Variants in KCNIP3 observed in about 807,000 individuals in gnomAD.
The protein encoded by KCNIP3 is potassium voltage-gated channel interacting protein 3, also known as calsenilin.
Under a neutral mutation model 35.0 loss-of-function variants are expected in KCNIP3, and 28 were observed. That is an observed-to-expected ratio of 0.80 (90% CI 0.59 to 1.10). KCNIP3 has a LOEUF of 1.10. Ranked by LOEUF, KCNIP3 falls within the 50% of genes least tolerant of loss-of-function variation. The pLI is 0.00. For missense variants in KCNIP3, 295 were observed against 338.4 expected, an observed-to-expected ratio of 0.87 and a Z score of 1.01; for synonymous variants, 134 against 133.8, an observed-to-expected ratio of 1.00 and a Z score of -0.01.
At chr2:95,345,174 T>C (rs1275702434) in intron 2 of KCNIP3, among the ~76,000 whole-genome samples, 1 of 152,268 alleles carries the variant, frequency 6.6e-6, no homozygotes, top group African/African-American at 2.4e-5. Flanking sequence ...GAAGCTGCAC[T>C]GCGCAGCCCC....
chr2:95,378,053 TA>T lies in KCNIP3; in HGVS notation c.447+2848del, dbSNP rs1290101032. Among the ~76,000 whole-genome samples, 1 of 152,254 alleles carries T rather than the reference TA, an allele frequency of 6.6e-6. No homozygotes were observed. The highest frequency in any genetic ancestry group is 1.5e-5 in the Non-Finnish European group (1 of 68,034). The stretch of plus-strand genomic sequence containing the variant: ...ATAACTTAGAATCTTCACTACTGTG[TA>T]AACCATGCCCAAGCTTCAGTGATTA... On this transcript the variant is annotated intron_variant, in intron 5 of 8. Transcript: ENST00000295225. The surrounding 1 kb of genome is among the most constrained non-coding windows in gnomAD (Gnocchi z 4.0).
intron 1 of KCNIP3, 131 bp downstream of exon 1, chr2:95,297,584 G>T: frequency 1.3e-6 from 1 of 769,214 alleles, no homozygotes. Flanking sequence ...CTTTCCTTTG[G>T]GGAAAGTGAG....
At chr2:95,375,757 G>A (rs1646416132) in intron 5 of KCNIP3, among the ~76,000 whole-genome samples, 1 of 152,116 alleles carries the variant, frequency 6.6e-6, no homozygotes, top group Admixed American at 6.5e-5. Flanking sequence ...TGGGGTCCTG[G>A]CCTGGGCTCC....
At chr2:95,364,003 T>C (rs943764599) in intron 2 of KCNIP3, among the ~76,000 whole-genome samples, 2 of 152,234 alleles carry the variant, frequency 1.3e-5, no homozygotes, top group African/African-American at 4.8e-5. Context: ...ATTCGTACAC[T>C]ATTTATTTCT....
At chr2:95,326,056 C>CAT (rs576872643) in intron 2 of KCNIP3, among the ~76,000 whole-genome samples, 1 of 151,482 alleles carries the variant, frequency 6.6e-6, no homozygotes, top group African/African-American at 2.4e-5. Context: ...TACACACACA[C>CAT]ATACACATTC....
intron 8 of KCNIP3, 42 bp downstream of exon 8, chr2:95,383,336 C>T (rs887585931): frequency 5.6e-6 from 9 of 1,596,906 alleles, no homozygotes; most frequent in Middle Eastern, 1.7e-4. Flanking sequence ...TCTGCAGGCT[C>T]TACACGGAGG....
intron 2 of KCNIP3, among the ~76,000 whole-genome samples, chr2:95,342,341 C>G (rs1679213103): frequency 6.6e-6 from 1 of 152,204 alleles, no homozygotes; most frequent in Admixed American, 6.5e-5. Flanking sequence ...CCTACCTTAT[C>G]AGAACTGTGA....
intron 2 of KCNIP3, among the ~76,000 whole-genome samples, chr2:95,336,877 T>C (rs1679074169): frequency 6.6e-6 from 1 of 152,146 alleles, no homozygotes; most frequent in Non-Finnish European, 1.5e-5. Flanking sequence ...AGTGCGTGGG[T>C]GGGCCTGAAC....
chr2:95,336,544 T>C (rs1378994719), intron 2 of KCNIP3, among the ~76,000 whole-genome samples: 4 of 152,284 alleles, frequency 2.6e-5, no homozygotes, highest in Admixed American at 6.5e-5. Flanking sequence ...ATTTTATTTC[T>C]ATTGACTTCA....
chr2:95,338,569 T>C (rs548814606), intron 2 of KCNIP3, among the ~76,000 whole-genome samples: 7 of 152,282 alleles, frequency 4.6e-5, no homozygotes, highest in Admixed American at 6.5e-5. Flanking sequence ...GCCCAAACTA[T>C]ATCACATGGC....
intron 2 of KCNIP3, among the ~76,000 whole-genome samples, chr2:95,359,227 T>C (rs1375129554): frequency 6.6e-6 from 1 of 152,208 alleles, no homozygotes; most frequent in Non-Finnish European, 1.5e-5. Context: ...TGGGTGAGAC[T>C]CAAGGCATGA....
chr2:95,347,692 C>T (rs1238377486), intron 2 of KCNIP3, among the ~76,000 whole-genome samples: 1 of 152,260 alleles, frequency 6.6e-6, no homozygotes, highest in African/African-American at 2.4e-5. Flanking sequence ...CAGACACTGA[C>T]GGCCCCCTGG....
At chr2:95,355,527 A>C (rs1270949449) in intron 2 of KCNIP3, among the ~76,000 whole-genome samples, 1 of 151,928 alleles carries the variant, frequency 6.6e-6, no homozygotes, top group Non-Finnish European at 1.5e-5. Flanking sequence ...CCTGATGTGT[A>C]ATGTTCCCCG....
At chr2:95,375,011 C>T (rs1680144385) in intron 4 of KCNIP3, 94 bp downstream of exon 4, 8 of 1,522,830 alleles carry the variant, frequency 5.3e-6, no homozygotes, top group Non-Finnish European at 6.4e-6. Flanking sequence ...GGTGCTGCCC[C>T]TGTCCCGTGG....
chr2:95,363,805 G>A (rs1344299940), intron 2 of KCNIP3, among the ~76,000 whole-genome samples: 1 of 152,148 alleles, frequency 6.6e-6, no homozygotes, highest in Non-Finnish European at 1.5e-5. Context: ...GCTATTGTGA[G>A]TGTTTATCTT....
At chr2:95,337,273 G>A (rs1679084179) in intron 2 of KCNIP3, among the ~76,000 whole-genome samples, 1 of 152,254 alleles carries the variant, frequency 6.6e-6, no homozygotes, top group Non-Finnish European at 1.5e-5. Flanking sequence ...ATTGCCTCGA[G>A]AAATGATTTG....
Position 95,384,402 on chromosome 2 carries a change from G to C in KCNIP3, c.*353G>C. The C allele has an allele frequency of 3.0e-6, 1 of 337,638 alleles. No homozygotes were observed. The highest frequency in any genetic ancestry group is 5.5e-6 in the Non-Finnish European group (1 of 180,998). The allele number at this position is 337,638 out of a possible 1,614,324, so 20.9% of individuals were successfully genotyped here. On this transcript the variant is annotated 3_prime_UTR_variant, in exon 9 of 9. Transcript: ENST00000295225. ...AAGAAGGGGCTCGAGTGCCCCTGCA[G>C]GGGAGGGTCCAATCTCCGGTGTGAG...
At chr2:95,360,674 G>T (rs1041980179) in intron 2 of KCNIP3, among the ~76,000 whole-genome samples, 6 of 152,152 alleles carry the variant, frequency 3.9e-5, no homozygotes, top group African/African-American at 1.4e-4. Context: ...GTCCAAGATC[G>T]AGGGCTTGGC....
chr2:95,378,529 GT>G lies in KCNIP3; in HGVS notation c.448-3064del, dbSNP rs1176022081. Among the ~76,000 whole-genome samples, 3 of 150,946 alleles carry G rather than the reference GT, an allele frequency of 2.0e-5. No homozygotes were observed. Among genetic ancestry groups the G allele is most frequent in the Non-Finnish European group, 4.4e-5 (3 of 67,900 alleles). On this transcript the variant is annotated intron_variant, in intron 5 of 8. Transcript: ENST00000295225. This position sits in a 1 kb window ranked among gnomAD's most constrained non-coding sequence, Gnocchi z 4.0. ...GCGGTCAGATCACCTGAGGTCAGGA[GT>G]TTGAGACAAGCCTGGCCAACATAGC...
Sources: gnomAD v4.1 joint callset for allele counts (sites outside exome capture counted in the v4.1 genomes callset) on GRCh38, gnomAD v4.1.1 for gene constraint, Gnocchi (gnomAD v3.1) non-coding constraint, MANE v1.5 for transcripts, NCBI Gene and HGNC (gene_info 2026-07-23, HGNC 2026-07-21) for gene names.